The following USP22 variants were observed in gnomAD, a reference collection of about 807,000 sequenced individuals.
The protein encoded by USP22 is ubiquitin specific peptidase 22, also known as ubiquitin carboxyl-terminal hydrolase 22.
USP22 carries 22 observed loss-of-function variants against 68.1 expected under a neutral mutation model. That is an observed-to-expected ratio of 0.32 (90% CI 0.23 to 0.46). The LOEUF (loss-of-function observed/expected upper bound fraction) is 0.46. USP22 is among the 20% of genes least tolerant of loss of function. The pLI is 1.00. For synonymous variants in USP22, 279 were observed against 274.2 expected, an observed-to-expected ratio of 1.02 and a Z score of -0.17; for missense variants, 433 against 695.8, an observed-to-expected ratio of 0.62 and a Z score of 4.25.
At chr17:21,020,501 T>C (rs981807988) in intron 3 of USP22, among the ~76,000 whole-genome samples, 1 of 148,994 alleles carries the variant, frequency 6.7e-6, no homozygotes, top group African/African-American at 2.6e-5. Flanking sequence ...CTGGTGGGTC[T>C]AGTTTCCATC....
At chr17:21,026,361 T>C (rs1399734210) in intron 2 of USP22, among the ~76,000 whole-genome samples, 2 of 152,178 alleles carry the variant, frequency 1.3e-5, no homozygotes, top group African/African-American at 4.8e-5. Context: ...AGTCTTGCTC[T>C]ATCACCCAGG....
intron 2 of USP22, among the ~76,000 whole-genome samples, chr17:21,026,537 T>C (rs1972221925): frequency 6.6e-6 from 1 of 151,986 alleles, no homozygotes; most frequent in South Asian, 2.1e-4. Context: ...TTGTCCAGAC[T>C]AGTCTTGAGC....
intron 1 of USP22, among the ~76,000 whole-genome samples, chr17:21,029,272 G>A (rs920081296): frequency 1.3e-5 from 2 of 152,194 alleles, no homozygotes; most frequent in Admixed American, 6.5e-5. Context: ...CAATACTAAC[G>A]GGACGTGTGA....
At position 21,042,747 on chromosome 17, in the gene USP22, T is replaced by A. The variant is rs1337021359; in HGVS notation, c.89A>T (p.Lys30Met). The change falls in exon 1 of 13, where the codon AAG becomes ATG. Residue 30 changes from lysine (K) to methionine (M), a missense_variant. Coordinates refer to ENST00000261497, the MANE Select transcript of USP22 (RefSeq NM_015276.2). ...CAGGTTCTGCTTCCAGTTGTCCACC[T>A]TGAAGCTGCCCAGGTGCGAGCAGCC... ...PPGCSHLGSF[K>M]VDNWKQNLRA... The A allele has an allele frequency of 2.0e-6, 3 of 1,495,848 alleles. No individual in the cohort carries two copies. The highest frequency in any genetic ancestry group is 2.7e-6 in the Non-Finnish European group (3 of 1,123,538). 92.7% of individuals were successfully genotyped at this position (1,495,848 alleles called of 1,614,324 possible).
At chr17:21,023,650 A>C (rs1427919855) in intron 2 of USP22, among the ~76,000 whole-genome samples, 5 of 151,910 alleles carry the variant, frequency 3.3e-5, no homozygotes, top group Non-Finnish European at 7.4e-5. Context: ...GTCTCAAAAA[A>C]AAAAAAAAAA....
In USP22 at chr17:21,037,795, G is replaced by A. The variant is rs537607188; in HGVS notation, c.171+4870C>T. On this transcript the variant is annotated intron_variant, in intron 1 of 12. Coordinates refer to ENST00000261497, the MANE Select transcript of USP22 (RefSeq NM_015276.2). The stretch of plus-strand genomic sequence containing the variant: ...CACAAATGAGTAGAAGTAAAAGCGG[G>A]GAAATCTGAATGAGATGGTGGATTA... Among the ~76,000 whole-genome samples, 9 of 152,274 alleles carry A rather than the reference G, an allele frequency of 5.9e-5. No individual in the cohort carries two copies. In the East Asian group the frequency reaches 1.7e-3, roughly 29 times the overall value.
intron 10 of USP22, among the ~76,000 whole-genome samples, chr17:21,005,894 C>T (rs1343272987): frequency 1.3e-5 from 2 of 152,182 alleles, no homozygotes; most frequent in Non-Finnish European, 2.9e-5. Flanking sequence ...GGATGATCTG[C>T]CTAGGTCCTA....
chr17:21,039,494 G>T (rs1047362100), intron 1 of USP22, among the ~76,000 whole-genome samples: 10 of 151,984 alleles, frequency 6.6e-5, no homozygotes, highest in Admixed American at 2.6e-4. Flanking sequence ...AACCCTGGAG[G>T]GGGAGGCTGT....
intron 3 of USP22, among the ~76,000 whole-genome samples, chr17:21,020,461 G>C (rs1192719270): frequency 6.6e-6 from 1 of 152,102 alleles, no homozygotes; most frequent in Non-Finnish European, 1.5e-5. Context: ...CTGTGCAGTG[G>C]GGCTGCTGGG....
At chr17:21,007,646 A>G (rs1913820716) in intron 9 of USP22, among the ~76,000 whole-genome samples, 1 of 152,308 alleles carries the variant, frequency 6.6e-6, no homozygotes, top group Admixed American at 6.5e-5. Context: ...GAAAACTCAC[A>G]TTCTACTTTC....
rs1913569986 is a variant in USP22, at chr17:21,001,326, GAGCAGTGAGT to G, written c.*1695_*1704del. ...TGCCAAGTCCTGTGTTTTCCACACT[GAGCAGTGAGT>G]AGCAGCTGCCACTGTCACTACCCCC... On this transcript the variant is annotated 3_prime_UTR_variant, in exon 13 of 13. Transcript: ENST00000261497. 6.6e-6 allele frequency: 1 copy of G among 152,152 alleles called. No individual in the cohort carries two copies. The highest frequency in any genetic ancestry group is 1.5e-5 in the Non-Finnish European group (1 of 68,032). 9.4% of individuals were successfully genotyped at this position (152,152 alleles called of 1,614,324 possible).
intron 4 of USP22, chr17:21,018,383 G>T (rs891340980): frequency 4.8e-5 from 15 of 314,422 alleles, no homozygotes; most frequent in Non-Finnish European, 8.2e-5. Context: ...AACAGGCCAG[G>T]TCAGAGTGAA....
At chr17:21,035,478 A>G (rs1993901) in intron 1 of USP22, among the ~76,000 whole-genome samples, 112,949 of 151,486 alleles carry the variant, frequency 0.75, 42,592 homozygotes, top group South Asian at 0.82. Flanking sequence ...GAAAAGCCTT[A>G]ATAGGAGACC....
chr17:21,024,691 G>A (rs1972199473), intron 2 of USP22, among the ~76,000 whole-genome samples: 1 of 152,178 alleles, frequency 6.6e-6, no homozygotes, highest in South Asian at 2.1e-4. Flanking sequence ...ACCAGGCTGG[G>A]CAGCAGCAGC....
intron 11 of USP22, 113 bp downstream of exon 11, chr17:21,004,799 CTGCGGGCAGCCAAGCG>C: frequency 1.1e-6 from 1 of 944,412 alleles, no homozygotes; most frequent in Non-Finnish European, 1.6e-6. Flanking sequence ...AATAGTGGAG[CTGCGGGCAGCCAAGCG>C]GGAAGCAGGT....
At chr17:21,017,615 G>A (rs1414098136) in intron 5 of USP22, among the ~76,000 whole-genome samples, 3 of 152,168 alleles carry the variant, frequency 2.0e-5, no homozygotes, top group African/African-American at 7.2e-5. Flanking sequence ...GTGCCTTTCT[G>A]AGCCAGGAAG....
At chr17:21,009,729 C>T (rs1174315010) in intron 8 of USP22, among the ~76,000 whole-genome samples, 3 of 152,124 alleles carry the variant, frequency 2.0e-5, no homozygotes, top group Non-Finnish European at 2.9e-5. Flanking sequence ...CCAAGGCAGG[C>T]GGATCACCTA....
chr17:21,013,563 A>AT (rs1306920698), intron 6 of USP22, among the ~76,000 whole-genome samples: 1 of 152,392 alleles, frequency 6.6e-6, no homozygotes. Flanking sequence ...CATATTCTAC[A>AT]TAACTTCACT....
upstream of USP22, chr17:21,043,033 C>T (rs560156267): frequency 1.5e-5 from 4 of 266,266 alleles, no homozygotes; most frequent in East Asian, 2.5e-4. Flanking sequence ...CCCCGAGCTG[C>T]GGCTGCTGCG....
Sources: allele counts gnomAD v4.1 joint callset (sites outside exome capture counted in the v4.1 genomes callset), GRCh38; gene constraint gnomAD v4.1.1; transcripts MANE v1.5; gene names NCBI Gene and HGNC (gene_info 2026-07-23, HGNC 2026-07-21).